Variants in MEIS1 observed in about 807,000 individuals in gnomAD.
MEIS1 encodes the protein homeobox protein Meis1.
In MEIS1, 5 loss-of-function variants were observed where a neutral mutation model predicts 50.8. The ratio of observed to expected loss-of-function variants is 0.10; its 90% CI spans 0.05 to 0.21. MEIS1 has a LOEUF of 0.21. Ranked by LOEUF, MEIS1 falls within the 10% of genes least tolerant of loss-of-function variation. MEIS1 has a pLI of 1.00. For missense variants in MEIS1, 318 were observed against 517.3 expected, an observed-to-expected ratio of 0.61 and a Z score of 3.74; for synonymous variants, 176 against 179.3, an observed-to-expected ratio of 0.98 and a Z score of 0.15.
rs185295852 is a variant in MEIS1 at position 66,539,826 on chromosome 2, C to T, written c.889-8117C>T. On this transcript the variant is annotated intron_variant, in intron 8 of 12. Coordinates refer to ENST00000272369, the MANE Select transcript of MEIS1 (RefSeq NM_002398.3). ...ATGAACTAACTTTCCCTGACAGCCC[C>T]CTCCCCTCCCCTTCTGCCTGCCTCC... Among the ~76,000 whole-genome samples the T allele has an allele frequency of 2.0e-3, 306 of 152,262 alleles. 6 individuals are homozygous for T. Among genetic ancestry groups the T allele is most frequent in the Admixed American group, 0.017 (261 of 15,298 alleles).
intron 6 of MEIS1, among the ~76,000 whole-genome samples, chr2:66,460,018 TAA>T (rs1377500832): frequency 6.6e-6 from 1 of 152,128 alleles, no homozygotes; most frequent in Non-Finnish European, 1.5e-5. Context: ...TGGAAAGTGA[TAA>T]GAGGTCCTGA....
At chr2:66,449,013 T>C (rs1427340123) in intron 6 of MEIS1, among the ~76,000 whole-genome samples, 1 of 152,104 alleles carries the variant, frequency 6.6e-6, no homozygotes, top group Admixed American at 6.5e-5. Context: ...ATTTATGACA[T>C]AATCGAAACA....
At chr2:66,531,638 G>T (rs1674393142) in intron 8 of MEIS1, among the ~76,000 whole-genome samples, 1 of 152,188 alleles carries the variant, frequency 6.6e-6, no homozygotes, top group African/African-American at 2.4e-5. Context: ...AAAGGCGAGG[G>T]TCATTTCTAG....
intron 2 of MEIS1, chr2:66,439,502 G>A: frequency 1.4e-6 from 2 of 1,464,278 alleles, no homozygotes; most frequent in Non-Finnish European, 1.8e-6. Flanking sequence ...GCAGTGGAGG[G>A]GACGAGGGCT....
At chr2:66,513,826 A>C (rs769841767) in intron 8 of MEIS1, among the ~76,000 whole-genome samples, 12 of 151,842 alleles carry the variant, frequency 7.9e-5, no homozygotes, top group Non-Finnish European at 1.6e-4. Context: ...TAGATATTTC[A>C]ATATCTGACT....
chr2:66,503,527 GT>G (rs1201221113), intron 7 of MEIS1, among the ~76,000 whole-genome samples: 1 of 152,158 alleles, frequency 6.6e-6, no homozygotes, highest in African/African-American at 2.4e-5. Flanking sequence ...AAGAGCTTCA[GT>G]TTGCAGTTGT....
At chr2:66,542,490 A>G (rs1390041701) in intron 8 of MEIS1, among the ~76,000 whole-genome samples, 2 of 152,214 alleles carry the variant, frequency 1.3e-5, no homozygotes, top group Non-Finnish European at 2.9e-5. Context: ...GACAGTTGCC[A>G]TAATTCCTCC....
chr2:66,559,845 G>A lies in MEIS1; in HGVS notation c.966-7608G>A, dbSNP rs577538237. On this transcript the variant is annotated intron_variant, in intron 9 of 12. Transcript: ENST00000272369. ...CCTGTCTCATTCTGTTGCCTAGGCC[G>A]GAATGCCATGGTGTGATCATGATTC... Among the ~76,000 whole-genome samples the A allele has an allele frequency of 2.0e-5, 3 of 152,128 alleles. No homozygotes were observed. The South Asian group carries it at 6.2e-4, about 32-fold the overall frequency.
chr2:66,447,566 C>T (rs1480352170), intron 6 of MEIS1, among the ~76,000 whole-genome samples: 1 of 152,064 alleles, frequency 6.6e-6, no homozygotes, highest in Admixed American at 6.5e-5. Flanking sequence ...TACATAGCAC[C>T]CTTTGAATTA....
intron 7 of MEIS1, among the ~76,000 whole-genome samples, chr2:66,489,728 G>A (rs1673229534): frequency 6.6e-6 from 1 of 152,158 alleles, no homozygotes; most frequent in Non-Finnish European, 1.5e-5. Context: ...TCCATAGAGA[G>A]CCTTATTGTT....
At chr2:66,445,889 T>C (rs1573126296) in intron 6 of MEIS1, among the ~76,000 whole-genome samples, 1 of 152,322 alleles carries the variant, frequency 6.6e-6, no homozygotes, top group Non-Finnish European at 1.5e-5. Context: ...CAGTAGAAGC[T>C]GTAATCCCGT....
At chr2:66,497,370 G>A (rs1289948943) in intron 7 of MEIS1, among the ~76,000 whole-genome samples, 1 of 152,086 alleles carries the variant, frequency 6.6e-6, no homozygotes, top group Non-Finnish European at 1.5e-5. Context: ...CAAGGATTGT[G>A]AGAATTAATT....
At chr2:66,547,806 G>T (rs1020087075) in intron 8 of MEIS1, 137 bp from the exon 9 acceptor site, 18 of 721,722 alleles carry the variant, frequency 2.5e-5, no homozygotes, top group Middle Eastern at 2.4e-4. Flanking sequence ...TTAATTAGAT[G>T]ATGTAGTATT....
At chr2:66,517,599 G>A (rs1674001371) in intron 8 of MEIS1, among the ~76,000 whole-genome samples, 1 of 152,126 alleles carries the variant, frequency 6.6e-6, no homozygotes, top group Admixed American at 6.6e-5. Context: ...CTTTATCTGA[G>A]TTTTAAAAGA....
At position 66,435,275 on chromosome 2, in the gene MEIS1, A is replaced by G. The variant is rs1377994088; in HGVS notation, c.-582A>G. The G allele has an allele frequency of 1.3e-5, 2 of 153,768 alleles. No individual in the cohort carries two copies. Among genetic ancestry groups the G allele is most frequent in the Non-Finnish European group, 2.9e-5 (2 of 69,184 alleles). The allele number at this position is 153,768 out of a possible 1,614,324, so 9.5% of individuals were successfully genotyped here. ...TCCTTCTCTAATCTCCTTCCAGTGC[A>G]GCACTTGCAAAGAGGGAGAGAGAGG... On this transcript the variant is annotated 5_prime_UTR_variant, in exon 1 of 13. Coordinates refer to ENST00000272369, the MANE Select transcript of MEIS1 (RefSeq NM_002398.3).
chr2:66,495,202 C>T (rs1395418298), intron 7 of MEIS1, among the ~76,000 whole-genome samples: 1 of 147,210 alleles, frequency 6.8e-6, no homozygotes, highest in Admixed American at 7.0e-5. Context: ...AAACTAGTCA[C>T]ATTTCATACT....
At chr2:66,548,238 A>G (rs548534281) in intron 9 of MEIS1, among the ~76,000 whole-genome samples, 2 of 152,314 alleles carry the variant, frequency 1.3e-5, no homozygotes, top group Middle Eastern at 3.4e-3. Context: ...TAAGTTGACA[A>G]TTTTATGCAT....
intron 7 of MEIS1, among the ~76,000 whole-genome samples, chr2:66,493,736 C>T (rs1033246233): frequency 3.3e-5 from 5 of 152,124 alleles, no homozygotes; most frequent in African/African-American, 1.2e-4. Context: ...TATGACTCCC[C>T]TATAAGTAAA....
At chr2:66,457,660 T>C (rs915222440) in intron 6 of MEIS1, among the ~76,000 whole-genome samples, 5 of 152,118 alleles carry the variant, frequency 3.3e-5, no homozygotes, top group Admixed American at 1.3e-4. Context: ...AGGGGAAAAG[T>C]CAAGGGGAGC....
Sources: gnomAD v4.1 joint callset for allele counts (sites outside exome capture counted in the v4.1 genomes callset) on GRCh38, gnomAD v4.1.1 for gene constraint, MANE v1.5 for transcripts, NCBI Gene and HGNC (gene_info 2026-07-23, HGNC 2026-07-21) for gene names.